The following ZFHX3 variants were observed in gnomAD, a reference collection of about 807,000 sequenced individuals.
ZFHX3 encodes the protein zinc finger homeobox 3.
ZFHX3 carries 42 observed loss-of-function variants against 279.1 expected under a neutral mutation model. The observed-to-expected ratio is 0.15, with a 90% CI of 0.12 to 0.19. ZFHX3 has a LOEUF of 0.19. Ranked by LOEUF, ZFHX3 falls within the 10% of genes least tolerant of loss-of-function variation. The pLI is 1.00. For synonymous variants in ZFHX3, 2,293 were observed against 1,957.8 expected, an observed-to-expected ratio of 1.17 and a Z score of -4.52; for missense variants, 4,981 against 4,754.0, an observed-to-expected ratio of 1.05 and a Z score of -1.40.
intron 3 of ZFHX3, among the ~76,000 whole-genome samples, chr16:73,399,805 A>AGT (rs1211476479): frequency 6.7e-6 from 1 of 148,176 alleles, no homozygotes; most frequent in Non-Finnish European, 1.5e-5. Flanking sequence ...GTGTGGAAAG[A>AGT]GTGTGTGTGT....
intron 2 of ZFHX3, among the ~76,000 whole-genome samples, chr16:73,646,390 A>G (rs1272668349): frequency 6.6e-6 from 1 of 152,182 alleles, no homozygotes; most frequent in Non-Finnish European, 1.5e-5. Context: ...TATTATTTAT[A>G]TTGTATTTCA....
intron 3 of ZFHX3, among the ~76,000 whole-genome samples, chr16:72,910,196 T>C (rs1322239204): frequency 6.6e-6 from 1 of 152,220 alleles, no homozygotes; most frequent in Non-Finnish European, 1.5e-5. Flanking sequence ...GACGCCACTT[T>C]GAACGAACCT....
At chr16:73,251,505 G>A (rs961221546) in intron 5 of ZFHX3, among the ~76,000 whole-genome samples, 1 of 152,150 alleles carries the variant, frequency 6.6e-6, no homozygotes, top group Admixed American at 6.5e-5. Context: ...CTGAGGCTCA[G>A]AGAAGTGAAT....
In ZFHX3 at chr16:72,793,673, C is replaced by T; in HGVS notation, c.9009G>A (p.Lys3003=). The change falls in exon 9 of 10, where the codon AAG becomes AAA. Residue 3003 remains lysine (K), a synonymous_variant. Transcript: ENST00000268489. The surrounding 1 kb of genome is among the most constrained non-coding windows in gnomAD (Gnocchi z 4.3). ...WFQNARAKEK[K]SKLSMAKHFG... ...AATGCTTGGCCATGCTTAACTTGGACTTCTTTTCTTTTGCCCGGGCATTCT... is the reference window on the plus strand; with the variant it reads ...AATGCTTGGCCATGCTTAACTTGGATTTCTTTTCTTTTGCCCGGGCATTCT... 6 of 1,614,138 alleles carry T rather than the reference C, an allele frequency of 3.7e-6. No individual in the cohort carries two copies. Among genetic ancestry groups the T allele is most frequent in the East Asian group, 2.2e-5 (1 of 44,872 alleles).
intron 1 of ZFHX3, among the ~76,000 whole-genome samples, chr16:73,858,441 A>G (rs1451459950): frequency 6.6e-6 from 1 of 152,212 alleles, no homozygotes; most frequent in Non-Finnish European, 1.5e-5. Flanking sequence ...TGAGTTCTTC[A>G]GCACTGAAAC....
chr16:73,669,800 T>C (rs1056685094), intron 2 of ZFHX3, among the ~76,000 whole-genome samples: 6 of 152,246 alleles, frequency 3.9e-5, no homozygotes, highest in African/African-American at 1.4e-4. Context: ...GGCAGCATTA[T>C]TGGGAAATGT....
At position 73,043,445 on chromosome 16, in the gene ZFHX3, CCT is replaced by C. The variant is rs553603715; in HGVS notation, c.-50+4305_-50+4306del. Among the ~76,000 whole-genome samples the C allele has an allele frequency of 7.7e-4, 118 of 152,302 alleles. 1 individual carries two copies. In the South Asian group the frequency reaches 0.025, roughly 32 times the overall value. On this transcript the variant is annotated intron_variant, in intron 1 of 9. Transcript: ENST00000268489. ...CTCGCAAACTTTCTATGTCTCCCTCCCTGTTTTTATTTGAGCCCTTATTCTTG... is the reference window on the plus strand; with the variant it reads ...CTCGCAAACTTTCTATGTCTCCCTCCGTTTTTATTTGAGCCCTTATTCTTG...
In ZFHX3 at chr16:72,959,107, A is replaced by T; in HGVS notation, c.1039T>A (p.Phe347Ile). Residue 347 changes from phenylalanine to isoleucine, a missense_variant, in exon 2 of 10, where the codon TTT becomes ATT. Coordinates refer to ENST00000268489, the MANE Select transcript of ZFHX3 (RefSeq NM_006885.4). ...VSFLEPKNKN[F>I]QHPLVSTANL... ...GCTGTGGAAACTAAAGGGTGTTGAA[A>T]GTTTTTGTTTTTTGGTTCCAGAAAA... 6.2e-7 allele frequency: 1 copy of T among 1,614,166 alleles called. No homozygotes were observed. The highest frequency in any genetic ancestry group is 8.5e-7 in the Non-Finnish European group (1 of 1,180,020).
intron 1 of ZFHX3, among the ~76,000 whole-genome samples, chr16:73,054,622 A>G (rs1845522297): frequency 6.6e-6 from 1 of 152,050 alleles, no homozygotes; most frequent in Admixed American, 6.6e-5. Context: ...AGGGGAAGAG[A>G]GGGGTAGCTT....
rs1473690035 is a variant in ZFHX3 at position 73,173,909 on chromosome 16, G to T, written c.-1103-30078C>A. Among the ~76,000 whole-genome samples the T allele has an allele frequency of 2.0e-5, 3 of 152,188 alleles. No homozygotes were observed. The East Asian group carries it at 5.8e-4, about 29-fold the overall frequency. On this transcript the variant is annotated intron_variant, in intron 5 of 17. Transcript: ENST00000641206. The stretch of plus-strand genomic sequence containing the variant: ...CGGACCTTCATTCCTTTAAGATTTA[G>T]GGAATGGTGTTGGGGTGGAACCATG...
chr16:73,220,102 A>T (rs2012360197), intron 5 of ZFHX3, among the ~76,000 whole-genome samples: 2 of 150,544 alleles, frequency 1.3e-5, no homozygotes, highest in Middle Eastern at 3.4e-3. Flanking sequence ...TAAAAAAATT[A>T]AAAAAAAGAA....
chr16:73,578,103 G>C (rs2051819485), intron 2 of ZFHX3, among the ~76,000 whole-genome samples: 1 of 152,162 alleles, frequency 6.6e-6, no homozygotes, highest in Non-Finnish European at 1.5e-5. Flanking sequence ...ATATAACACA[G>C]CTCAGATTCA....
At position 73,303,439 on chromosome 16, in the gene ZFHX3, C is replaced by T. The variant is rs559425310; in HGVS notation, c.-1194+14801G>A. Among the ~76,000 whole-genome samples, 80 of 152,246 alleles carry T rather than the reference C, an allele frequency of 5.3e-4. 1 individual carries two copies. In the South Asian group the frequency reaches 0.014, roughly 26 times the overall value. ...CTCCTACTTCCTATGATTCACATTC[C>T]GGAGGCTGATCTTACAATTGACATG... On this transcript the variant is annotated intron_variant, in intron 4 of 17. Coordinates refer to the ZFHX3 transcript ENST00000641206.
chr16:73,478,308 C>T (rs1190141727), intron 2 of ZFHX3, among the ~76,000 whole-genome samples: 3 of 146,490 alleles, frequency 2.0e-5, no homozygotes, highest in Non-Finnish European at 4.5e-5. Flanking sequence ...TACTAAAAGC[C>T]ATATGACATG....
At chr16:73,355,679 T>C (rs2016327857) in intron 3 of ZFHX3, among the ~76,000 whole-genome samples, 2 of 151,912 alleles carry the variant, frequency 1.3e-5, no homozygotes, top group Non-Finnish European at 1.5e-5. Context: ...GACCTTGGAG[T>C]CAGGCAGAAT....
intron 4 of ZFHX3, among the ~76,000 whole-genome samples, chr16:72,881,211 TTGAAA>T (rs1253311899): frequency 1.3e-5 from 2 of 152,224 alleles, no homozygotes; most frequent in African/African-American, 4.8e-5. Context: ...TATTAAGCAC[TTGAAA>T]TCTGGTTAAT....
At chr16:73,027,392 C>T (rs900736859) in intron 1 of ZFHX3, among the ~76,000 whole-genome samples, 1 of 152,216 alleles carries the variant, frequency 6.6e-6, no homozygotes, top group Non-Finnish European at 1.5e-5. Flanking sequence ...AAACGTAACC[C>T]AGGCTCCAGG....
intron 3 of ZFHX3, among the ~76,000 whole-genome samples, chr16:73,396,055 G>C (rs114099832): frequency 1.3e-5 from 2 of 152,194 alleles, no homozygotes; most frequent in Admixed American, 6.5e-5. Context: ...AATAGGCCAG[G>C]GCCTTAGAGG....
chr16:73,538,009 C>T (rs956697676), intron 2 of ZFHX3, among the ~76,000 whole-genome samples: 1 of 152,202 alleles, frequency 6.6e-6, no homozygotes, highest in Non-Finnish European at 1.5e-5. Context: ...TAGAGTCATG[C>T]TGACTGGTCA....
Sources: allele counts gnomAD v4.1 joint callset (sites outside exome capture counted in the v4.1 genomes callset), GRCh38; gene constraint gnomAD v4.1.1; non-coding constraint Gnocchi (gnomAD v3.1); transcripts MANE v1.5; gene names NCBI Gene and HGNC (gene_info 2026-07-23, HGNC 2026-07-21).